TSPYL5: variants seen among roughly 807,000 people sequenced by gnomAD.
TSPYL5 encodes testis-specific Y-encoded-like protein 5.
For missense variants in TSPYL5, 556 were observed against 555.5 expected (o/e 1.00, Z -0.01); for synonymous variants, 276 against 236.1 (o/e 1.17, Z -1.55).
chr8:97,274,803 G>A lies in TSPYL5; in HGVS notation c.*1788C>T, dbSNP rs926509355. On this transcript the variant is annotated 3_prime_UTR_variant, in exon 1 of 1. Transcript: ENST00000322128. The stretch of plus-strand genomic sequence containing the variant: ...TTACCCACCCTCAGGGATAAGAGAG[G>A]GAAAGGCCCAGCTCTGCTTTTACAC... 2.0e-5 allele frequency: 3 copies of A among 152,162 alleles called. No homozygotes were observed. Among genetic ancestry groups the A allele is most frequent in the Admixed American group, 2.0e-4 (3 of 15,278 alleles). The allele number at this position is 152,162 out of a possible 1,614,324, so 9.4% of individuals were successfully genotyped here.
rs745840727 is a variant in TSPYL5 at position 97,277,625 on chromosome 8, C to T, written c.220G>A (p.Gly74Arg). Residue 74 changes from glycine to arginine, a missense_variant, in exon 1 of 1, where the codon GGG becomes AGG. Transcript: ENST00000322128. The surrounding 1 kb of genome is among the most constrained non-coding windows in gnomAD (Gnocchi z 4.5). ...AAASAQLLRLGEEAACRLPLD... is the reference protein window; with the variant it reads ...AAASAQLLRLREEAACRLPLD... ...GGGAGCCGGCAGGCGGCCTCCTCCC[C>T]GAGCCGGAGGAGCTGCGCGGACGCA... is the stretch of plus-strand genomic sequence containing the variant. 30 of 1,442,652 alleles carry T rather than the reference C, an allele frequency of 2.1e-5. No individual in the cohort carries two copies. Among genetic ancestry groups the T allele is most frequent in the Non-Finnish European group, 2.6e-5 (29 of 1,100,668 alleles). 89.4% of individuals were successfully genotyped at this position (1,442,652 alleles called of 1,614,324 possible).
chr8:97,275,398 G>A lies in TSPYL5; in HGVS notation c.*1193C>T, dbSNP rs1437973736. On this transcript the variant is annotated 3_prime_UTR_variant, in exon 1 of 1. Coordinates refer to ENST00000322128, the MANE Select transcript of TSPYL5 (RefSeq NM_033512.3). ...GAAGGAAGGGGAAGGCAGAAGGGGAGGAAAGGAGGCTACCAGGAAAGGGAG... is the reference window on the plus strand; with the variant it reads ...GAAGGAAGGGGAAGGCAGAAGGGGAAGAAAGGAGGCTACCAGGAAAGGGAG... 1.3e-5 allele frequency: 2 copies of A among 152,200 alleles called. No homozygotes were observed. Among genetic ancestry groups the A allele is most frequent in the Non-Finnish European group, 2.9e-5 (2 of 68,036 alleles). 9.4% of individuals were successfully genotyped at this position (152,200 alleles called of 1,614,324 possible).
In TSPYL5 at chr8:97,274,181, C is replaced by G. The variant is rs1810473948; in HGVS notation, c.*2410G>C. ...ACATGGGGTCCAAGGACCATCCTCT[C>G]CACTTCTGTGCATGTCTGAAAATGT... is the stretch of plus-strand genomic sequence containing the variant. On this transcript the variant is annotated 3_prime_UTR_variant, in exon 1 of 1. Coordinates refer to ENST00000322128, the MANE Select transcript of TSPYL5 (RefSeq NM_033512.3). The G allele has an allele frequency of 6.6e-6, 1 of 151,752 alleles. No homozygotes were observed. The highest frequency in any genetic ancestry group is 6.6e-5 in the Admixed American group (1 of 15,252). The allele number at this position is 151,752 out of a possible 1,614,324, so 9.4% of individuals were successfully genotyped here. A position where few individuals can be genotyped will look rare whatever the true frequency, so the allele number is the denominator to read the frequency against.
rs76165419 is a variant in TSPYL5, at chr8:97,275,871, C to T, written c.*720G>A. On this transcript the variant is annotated 3_prime_UTR_variant, in exon 1 of 1. Coordinates refer to ENST00000322128, the MANE Select transcript of TSPYL5 (RefSeq NM_033512.3). Reference sequence around the variant, plus strand: ...ATGGCTTGATAGTGACACGGCATGGCGCAGATCTTGATGAAAGTTCACCAG... The same window carrying T: ...ATGGCTTGATAGTGACACGGCATGGTGCAGATCTTGATGAAAGTTCACCAG... 5.3e-3 allele frequency: 809 copies of T among 152,344 alleles called. 6 individuals carry two copies. The highest frequency in any genetic ancestry group is 0.017 in the Middle Eastern group (5 of 294). The allele number at this position is 152,344 out of a possible 1,614,324, so 9.4% of individuals were successfully genotyped here.
In TSPYL5 at chr8:97,276,686, C is replaced by A. The variant is rs764843147; in HGVS notation, c.1159G>T (p.Ala387Ser). The A allele has an allele frequency of 6.2e-7, 1 of 1,614,226 alleles. No individual in the cohort carries two copies. Among genetic ancestry groups the A allele is most frequent in the South Asian group, 1.1e-5 (1 of 91,082 alleles). The part of the protein sequence containing the change: ...PLQFYLLSEG[A>S]RVEKGKEKEG... The stretch of plus-strand genomic sequence containing the variant: ...TTTTCCTTTCCTTTCTCTACACGAG[C>A]CCCTTCACTCAAAAGGTAGAACTGC... Residue 387 changes from alanine to serine, a missense_variant, in exon 1 of 1, where the codon GCT becomes TCT. Coordinates refer to ENST00000322128, the MANE Select transcript of TSPYL5 (RefSeq NM_033512.3).
chr8:97,277,584 G>A lies in TSPYL5; in HGVS notation c.261C>T (p.Leu87=), dbSNP rs756373081. The A allele has an allele frequency of 8.9e-6, 13 of 1,461,694 alleles. No homozygotes were observed. In the South Asian group the frequency reaches 1.6e-4, roughly 18 times the overall value. The allele number at this position is 1,461,694 out of a possible 1,614,324, so 90.5% of individuals were successfully genotyped here. ...AACRLPLDCG[L]ALRARAAGDH... ...CCCCCGCAGCTCGGGCCCGCAGCGC[G>A]AGGCCACAGTCCAGGGGGAGCCGGC... The change falls in exon 1 of 1, where the codon CTC becomes CTT. Residue 87 remains leucine (L), a synonymous_variant. Transcript: ENST00000322128. The surrounding 1 kb of genome is among the most constrained non-coding windows in gnomAD (Gnocchi z 4.5).
In TSPYL5 at chr8:97,277,433, C is replaced by T. The variant is rs1318398473; in HGVS notation, c.412G>A (p.Val138Ile). 4.5e-6 allele frequency: 7 copies of T among 1,547,200 alleles called. No individual in the cohort carries two copies. Among genetic ancestry groups the T allele is most frequent in the Non-Finnish European group, 6.1e-6 (7 of 1,151,592 alleles). The change falls in exon 1 of 1, where the codon GTT becomes ATT. Residue 138 changes from valine (V) to isoleucine (I), a missense_variant. By Grantham distance (29) the Val-to-Ile change is conservative. Transcript: ENST00000322128. This position sits in a 1 kb window ranked among gnomAD's most constrained non-coding sequence, Gnocchi z 4.5. ...CCGGCAGGGCCACGCCGGTTTCCAACGCGGGGGGCATTTTTCGGCCTTCCC... is the reference window on the plus strand; with the variant it reads ...CCGGCAGGGCCACGCCGGTTTCCAATGCGGGGGGCATTTTTCGGCCTTCCC... The part of the protein sequence containing the change: ...TVGRPKNAPR[V>I]GNRRGPAGKK...
At position 97,275,744 on chromosome 8, in the gene TSPYL5, G is replaced by A. The variant is rs1041434874; in HGVS notation, c.*847C>T. ...CTGGAAAGCTGGGGAGGGTAGGTGT[G>A]TGTCTCATGCACTGGTAGGGGGCCT... On this transcript the variant is annotated 3_prime_UTR_variant, in exon 1 of 1. Coordinates refer to ENST00000322128, the MANE Select transcript of TSPYL5 (RefSeq NM_033512.3). 6.6e-6 allele frequency: 1 copy of A among 152,334 alleles called. No homozygotes were observed. The highest frequency in any genetic ancestry group is 1.5e-5 in the Non-Finnish European group (1 of 68,174). 9.4% of individuals were successfully genotyped at this position (152,334 alleles called of 1,614,324 possible).
Position 97,274,141 on chromosome 8 carries a change from A to C in TSPYL5, c.*2450T>G, listed in dbSNP as rs1810473500. The C allele has an allele frequency of 6.6e-6, 1 of 152,162 alleles. No individual in the cohort carries two copies. 9.4% of individuals were successfully genotyped at this position (152,162 alleles called of 1,614,324 possible). A position where few individuals can be genotyped will look rare whatever the true frequency, so the allele number is the denominator to read the frequency against. Reference sequence around the variant, plus strand: ...GTTGACCATAGCTGATAAGTGATGCAGCTAGGTGATGGACACATGGGGTCC... The same window carrying C: ...GTTGACCATAGCTGATAAGTGATGCCGCTAGGTGATGGACACATGGGGTCC... On this transcript the variant is annotated 3_prime_UTR_variant, in exon 1 of 1. Coordinates refer to ENST00000322128, the MANE Select transcript of TSPYL5 (RefSeq NM_033512.3).
rs889616156 is a variant in TSPYL5, at chr8:97,276,437, G to A, written c.*154C>T. ...CGTAGAAAAGCAAGAGGCTATGGGAGGCAAAAGAACATGATCATAAATGCC... is the reference window on the plus strand; with the variant it reads ...CGTAGAAAAGCAAGAGGCTATGGGAAGCAAAAGAACATGATCATAAATGCC... On this transcript the variant is annotated 3_prime_UTR_variant, in exon 1 of 1. Transcript: ENST00000322128. 7 of 991,128 alleles carry A rather than the reference G, an allele frequency of 7.1e-6. No homozygotes were observed. The highest frequency in any genetic ancestry group is 1.6e-5 in the South Asian group (1 of 62,326). 61.4% of individuals were successfully genotyped at this position (991,128 alleles called of 1,614,324 possible).
Position 97,276,951 on chromosome 8 carries a change from G to T in TSPYL5, c.894C>A (p.Phe298Leu). The change falls in exon 1 of 1, where the codon TTC (phenylalanine) becomes TTA (leucine). Residue 298 changes from phenylalanine (F) to leucine (L), a missense_variant. Coordinates refer to ENST00000322128, the MANE Select transcript of TSPYL5 (RefSeq NM_033512.3). ...TATTTTGGAAATACGGGTTGCGATC[G>T]AAGTAGAACTTGATTTTGTAGCCCA... ...ARLGYKIKFY[F>L]DRNPYFQNKV... is the part of the protein sequence containing the mutation. 1 of 1,614,198 alleles carries T rather than the reference G, an allele frequency of 6.2e-7. No individual in the cohort carries two copies. The highest frequency in any genetic ancestry group is 8.5e-7 in the Non-Finnish European group (1 of 1,180,036).
At position 97,277,913 on chromosome 8, in the gene TSPYL5, G is replaced by C. The variant is rs1346453817; in HGVS notation, c.-69C>G. On this transcript the variant is annotated 5_prime_UTR_variant, in exon 1 of 1. Coordinates refer to ENST00000322128, the MANE Select transcript of TSPYL5 (RefSeq NM_033512.3). The surrounding 1 kb of genome is among the most constrained non-coding windows in gnomAD (Gnocchi z 4.5). ...GCTCCTGACGCCAGCTCTCGGTCGG[G>C]ACCGAGCGGGTCTCTCCACGGCAAC... The C allele has an allele frequency of 2.3e-5, 30 of 1,315,938 alleles. No individual in the cohort carries two copies. The highest frequency in any genetic ancestry group is 4.3e-5 in the South Asian group (2 of 46,532). 81.5% of individuals were successfully genotyped at this position (1,315,938 alleles called of 1,614,324 possible). A position where few individuals can be genotyped will look rare whatever the true frequency, so the allele number is the denominator to read the frequency against.
In TSPYL5 at chr8:97,276,924, C is replaced by T. The variant is rs777066482; in HGVS notation, c.921G>A (p.Lys307=). 1 of 1,614,186 alleles carries T rather than the reference C, an allele frequency of 6.2e-7. No individual in the cohort carries two copies. The highest frequency in any genetic ancestry group is 2.2e-5 in the East Asian group (1 of 44,878). Residue 307 remains lysine, a synonymous_variant, in exon 1 of 1, where the codon AAG becomes AAA. Coordinates refer to ENST00000322128, the MANE Select transcript of TSPYL5 (RefSeq NM_033512.3). ...CACACCCATATTCCTTGATGAGCAC[C>T]TTATTTTGGAAATACGGGTTGCGAT... ...YFDRNPYFQN[K]VLIKEYGCGP...
rs755107382 is a variant in TSPYL5, at chr8:97,276,977, A to G, written c.868T>C (p.Leu290=). 2 of 1,614,192 alleles carry G rather than the reference A, an allele frequency of 1.2e-6. No homozygotes were observed. Among genetic ancestry groups the G allele is most frequent in the Admixed American group, 1.7e-5 (1 of 60,020 alleles). Residue 290 remains leucine (L), a synonymous_variant, in exon 1 of 1, where the codon TTG becomes CTG. Coordinates refer to ENST00000322128, the MANE Select transcript of TSPYL5 (RefSeq NM_033512.3). The part of the protein sequence containing the change: ...LEVEELGLAR[L]GYKIKFYFDR... ...AAGTAGAACTTGATTTTGTAGCCCA[A>G]TCTGGCAAGGCCGAGCTCTTCCACT...
At position 97,276,256 on chromosome 8, in the gene TSPYL5, G is replaced by C. The variant is rs945867592; in HGVS notation, c.*335C>G. 1.2e-5 allele frequency: 3 copies of C among 255,008 alleles called. No individual in the cohort carries two copies. Among genetic ancestry groups the C allele is most frequent in the Admixed American group, 4.9e-5 (1 of 20,326 alleles). 15.8% of individuals were successfully genotyped at this position (255,008 alleles called of 1,614,324 possible). ...GCTTGAGGATGCACTGGTCGTCCTG[G>C]AGGATGACTCATGAGTGTCCATGTT... On this transcript the variant is annotated 3_prime_UTR_variant, in exon 1 of 1. Coordinates refer to ENST00000322128, the MANE Select transcript of TSPYL5 (RefSeq NM_033512.3).
Position 97,277,208 on chromosome 8 carries a change from C to T in TSPYL5, c.637G>A (p.Glu213Lys). ...CTGTCCGCCTGGGCGTTCATGTTCT[C>T]CAGCTTCAGCTGCACGTTCTCCAGC... is the stretch of plus-strand genomic sequence containing the variant. Reference protein sequence around the residue: ...DTLENVQLKLENMNAQADRAY... With the variant: ...DTLENVQLKLKNMNAQADRAY... Residue 213 changes from glutamate to lysine, a missense_variant, in exon 1 of 1, where the codon GAG (glutamate) becomes AAG (lysine). Coordinates refer to ENST00000322128, the MANE Select transcript of TSPYL5 (RefSeq NM_033512.3). The surrounding 1 kb of genome is among the most constrained non-coding windows in gnomAD (Gnocchi z 4.5). The T allele has an allele frequency of 3.1e-6, 5 of 1,613,324 alleles. No homozygotes were observed. Among genetic ancestry groups the T allele is most frequent in the Non-Finnish European group, 4.2e-6 (5 of 1,180,016 alleles).
rs142223287 is a variant in TSPYL5, at chr8:97,277,021, C to T, written c.824G>A (p.Ser275Asn). The T allele has an allele frequency of 7.2e-5, 116 of 1,614,102 alleles. No individual in the cohort carries two copies. The highest frequency in any genetic ancestry group is 9.6e-5 in the Non-Finnish European group (113 of 1,180,052). ...TTCCACTTCCAAGCTGTTTAAGTAG[C>T]TCAGTACCTCTTTCTCTTGGCTATT... ...FLNSQEKEVL[S>N]YLNSLEVEEL... Residue 275 changes from serine to asparagine, a missense_variant, in exon 1 of 1, where the codon AGC becomes AAC. Coordinates refer to ENST00000322128, the MANE Select transcript of TSPYL5 (RefSeq NM_033512.3). This position sits in a 1 kb window ranked among gnomAD's most constrained non-coding sequence, Gnocchi z 4.5.
At position 97,276,786 on chromosome 8, in the gene TSPYL5, C is replaced by T; in HGVS notation, c.1059G>A (p.Trp353Ter). ...ACTCAATGGAGCTGTGGTTTGAAAA[C>T]CACCCAAAGAAACTACGGTTGTTTT... ...NPENNRSFFG[W>*]FSNHSSIESD... The change falls in exon 1 of 1, where the codon TGG becomes TGA. Residue 353 changes from tryptophan (W) to a stop codon, truncating the protein, a stop_gained. Coordinates refer to ENST00000322128, the MANE Select transcript of TSPYL5 (RefSeq NM_033512.3). LOFTEE classifies it low-confidence loss of function (END_TRUNC). 6.2e-7 allele frequency: 1 copy of T among 1,614,188 alleles called. No homozygotes were observed. The highest frequency in any genetic ancestry group is 8.5e-7 in the Non-Finnish European group (1 of 1,180,032).
Position 97,275,763 on chromosome 8 carries a change from G to A in TSPYL5, c.*828C>T, listed in dbSNP as rs1810502909. 2 of 152,274 alleles carry A rather than the reference G, an allele frequency of 1.3e-5. No individual in the cohort carries two copies. The highest frequency in any genetic ancestry group is 4.1e-4 in the South Asian group (2 of 4,824). The allele number at this position is 152,274 out of a possible 1,614,324, so 9.4% of individuals were successfully genotyped here. On this transcript the variant is annotated 3_prime_UTR_variant, in exon 1 of 1. Transcript: ENST00000322128. ...AGGTGTGTGTCTCATGCACTGGTAG[G>A]GGGCCTCGGTCCACAGGCAGTTCTT...
Sources: gnomAD v4.1 joint callset for allele counts on GRCh38, gnomAD v4.1.1 for gene constraint, Gnocchi (gnomAD v3.1) non-coding constraint, MANE v1.5 for transcripts, NCBI Gene and HGNC (gene_info 2026-07-23, HGNC 2026-07-21) for gene names.